The following SYNE2 variants were observed in gnomAD, a reference collection of about 807,000 sequenced individuals.
SYNE2 encodes spectrin repeat containing nuclear envelope protein 2, also known as nesprin-2.
SYNE2 carries 431 observed loss-of-function variants against 856.3 expected under a neutral mutation model. The observed-to-expected ratio is 0.50, with a 90% CI of 0.47 to 0.55. The LOEUF is 0.55. Among genes scored for constraint, SYNE2 ranks in the 20% least tolerant of loss-of-function variants. SYNE2 has a pLI of 0.00. For synonymous variants in SYNE2, 2,923 were observed against 2,872.3 expected, an observed-to-expected ratio of 1.02 and a Z score of -0.56; for missense variants, 8,129 against 8,023.2, an observed-to-expected ratio of 1.01 and a Z score of -0.50.
chr14:63,901,405 A>G (rs2095335202), intron 1 of SYNE2, among the ~76,000 whole-genome samples: 1 of 152,234 alleles, frequency 6.6e-6, no homozygotes, highest in African/African-American at 2.4e-5. Context: ...TTATTTCAGT[A>G]GAAATATGCA....
chr14:63,956,517 T>C, intron 8 of SYNE2: 1 of 442,136 alleles, frequency 2.3e-6, no homozygotes, highest in South Asian at 1.6e-5. Flanking sequence ...ACCAGGTGAC[T>C]GTGGATTTGT....
intron 32 of SYNE2, among the ~76,000 whole-genome samples, chr14:64,012,529 A>G (rs532743139): frequency 1.3e-5 from 2 of 152,352 alleles, no homozygotes; most frequent in East Asian, 3.9e-4. Flanking sequence ...AGAAATAAAA[A>G]TTAATTAAAA....
At chr14:64,179,346 C>T (rs1380583272) in intron 96 of SYNE2, among the ~76,000 whole-genome samples, 1 of 152,054 alleles carries the variant, frequency 6.6e-6, no homozygotes, top group Non-Finnish European at 1.5e-5. Flanking sequence ...GCCACGTTGG[C>T]CAGGCTGGTC....
At chr14:64,163,323 T>G (rs1275670219) in intron 88 of SYNE2, 79 bp from the exon 89 acceptor site, 2 of 1,525,998 alleles carry the variant, frequency 1.3e-6, no homozygotes. Context: ...TTCTCCTAGA[T>G]TTTGATGGAG....
intron 45 of SYNE2, among the ~76,000 whole-genome samples, chr14:64,035,955 T>C (rs922616656): frequency 3.3e-5 from 5 of 151,814 alleles, no homozygotes; most frequent in African/African-American, 1.2e-4. Context: ...AGTCTGATGC[T>C]CAGAACTTTT....
At chr14:63,873,718 G>A (rs1290272692) in intron 1 of SYNE2, 1 of 152,208 alleles carries the variant, frequency 6.6e-6, no homozygotes, top group African/African-American at 2.4e-5. Flanking sequence ...GAAATCATAA[G>A]ATTCTCATTT....
At chr14:64,170,861 C>CA (rs926763648) in intron 94 of SYNE2, among the ~76,000 whole-genome samples, 12 of 151,136 alleles carry the variant, frequency 7.9e-5, no homozygotes, top group African/African-American at 2.2e-4. Context: ...TCAATGGGTA[C>CA]AAAAAAAATA....
chr14:63,933,224 A>G (rs1400569107), intron 2 of SYNE2, among the ~76,000 whole-genome samples: 2 of 152,166 alleles, frequency 1.3e-5, no homozygotes, highest in African/African-American at 4.8e-5. Flanking sequence ...GTGAAACTGA[A>G]AGCTAGTGAT....
chr14:64,081,422 G>C, intron 56 of SYNE2, 21 bp from the exon 57 acceptor site: 1 of 1,614,016 alleles, frequency 6.2e-7, no homozygotes, highest in Non-Finnish European at 8.5e-7. Context: ...GACTAAGTTT[G>C]GTCCTGCATC....
chr14:64,067,919 T>C (rs1487721119), intron 51 of SYNE2, among the ~76,000 whole-genome samples: 1 of 152,210 alleles, frequency 6.6e-6, no homozygotes, highest in East Asian at 1.9e-4. Flanking sequence ...TTGTTGGGTC[T>C]CTTTTCTGCT....
chr14:63,945,749 T>C (rs1048785175), intron 6 of SYNE2, among the ~76,000 whole-genome samples: 1 of 152,140 alleles, frequency 6.6e-6, no homozygotes, highest in South Asian at 2.1e-4. Flanking sequence ...CTCAGCCTCC[T>C]GAGTAGCTGG....
At chr14:63,764,612 C>T (rs777799586) in intron 1 of SYNE2, among the ~76,000 whole-genome samples, 54 of 143,814 alleles carry the variant, frequency 3.8e-4, no homozygotes, top group Admixed American at 9.6e-4. Flanking sequence ...ATGTGCAGAA[C>T]GTACAGGTTT....
At chr14:63,883,802 T>C (rs2094919947) in intron 1 of SYNE2, among the ~76,000 whole-genome samples, 1 of 152,252 alleles carries the variant, frequency 6.6e-6, no homozygotes, top group African/African-American at 2.4e-5. Context: ...GCTTGAAGTT[T>C]TCTGAACTAA....
chr14:64,147,943 T>A (rs774959330), intron 84 of SYNE2, among the ~76,000 whole-genome samples: 17 of 152,166 alleles, frequency 1.1e-4, no homozygotes, highest in Non-Finnish European at 2.5e-4. Flanking sequence ...CTACGGTAGT[T>A]TAGCCAATCC....
intron 45 of SYNE2, among the ~76,000 whole-genome samples, chr14:64,036,416 G>A (rs1043774775): frequency 6.6e-5 from 10 of 151,986 alleles, no homozygotes; most frequent in African/African-American, 2.2e-4. Context: ...CTCCTGAGTC[G>A]CTGGGATCAC....
At chr14:64,017,856 C>T (rs977725830) in intron 34 of SYNE2, 100 bp downstream of exon 34, 6 of 1,196,726 alleles carry the variant, frequency 5.0e-6, no homozygotes, top group African/African-American at 1.5e-5. Flanking sequence ...TCATATGTGA[C>T]TTTGTTATCA....
At chr14:64,202,372 C>A (rs944221324) in intron 99 of SYNE2, 2 of 687,860 alleles carry the variant, frequency 2.9e-6, no homozygotes, top group Non-Finnish European at 5.3e-6. Flanking sequence ...TCTTTAATCT[C>A]CCAGGGTAGA....
At chr14:63,924,441 C>G (rs1253765528) in intron 2 of SYNE2, among the ~76,000 whole-genome samples, 2 of 151,988 alleles carry the variant, frequency 1.3e-5, no homozygotes, top group African/African-American at 4.8e-5. Context: ...GTCTGTAGAT[C>G]AAGTTGGAAA....
intron 11 of SYNE2, among the ~76,000 whole-genome samples, chr14:63,974,914 A>G (rs997184021): frequency 0.28 from 23,962 of 85,458 alleles, 3,795 homozygotes; most frequent in East Asian, 0.38. Context: ...ATATATATAT[A>G]TATGTATCTT....
Sources: allele counts gnomAD v4.1 joint callset (sites outside exome capture counted in the v4.1 genomes callset), GRCh38; gene constraint gnomAD v4.1.1; transcripts MANE v1.5; gene names NCBI Gene and HGNC (gene_info 2026-07-23, HGNC 2026-07-21).